DNAH6: variants seen among roughly 807,000 people sequenced by gnomAD.
DNAH6 encodes the protein axonemal beta dynein heavy chain 6.
In DNAH6, 340 loss-of-function variants were observed where a neutral mutation model predicts 491.4. The ratio of observed to expected loss-of-function variants is 0.69; its 90% CI spans 0.63 to 0.76. The LOEUF (loss-of-function observed/expected upper bound fraction) is 0.76. DNAH6 is among the 30% of genes least tolerant of loss of function. The pLI is 0.00. For synonymous variants in DNAH6, 1,603 were observed against 1,686.1 expected, an observed-to-expected ratio of 0.95 and a Z score of 1.21; for missense variants, 4,443 against 4,972.2, an observed-to-expected ratio of 0.89 and a Z score of 3.20.
Position 84,621,441 on chromosome 2 carries a change from A to G in DNAH6, c.3961A>G (p.Ile1321Val), listed in dbSNP as rs1687386757. 6.5e-7 allele frequency: 1 copy of G among 1,540,950 alleles called. No individual in the cohort carries two copies. The highest frequency in any genetic ancestry group is 8.8e-7 in the Non-Finnish European group (1 of 1,137,840). The change falls in exon 26 of 77, where the codon ATC (isoleucine) becomes GTC (valine). Residue 1321 changes from isoleucine to valine, a missense_variant. Ile to Val is a conservative substitution (Grantham distance 29). This residue lies in a region of DNAH6 where 2,977 missense variants were observed against 3,296.6 expected (regional missense o/e 0.90). Coordinates refer to ENST00000389394, the MANE Select transcript of DNAH6 (RefSeq NM_001370.2). The part of the protein sequence containing the change: ...WVVAGHPSQV[I>V]LTVSQIMWCR... ...TAAGAAACATGTTTTCTTGCAGGTT[A>G]TCCTGACTGTTTCTCAAATTATGTG...
intron 42 of DNAH6, among the ~76,000 whole-genome samples, chr2:84,684,852 C>T (rs1165377440): frequency 1.3e-5 from 2 of 152,132 alleles, no homozygotes; most frequent in African/African-American, 4.8e-5. Flanking sequence ...TCAGAATAAT[C>T]TTAGTAGAAG....
intron 18 of DNAH6, among the ~76,000 whole-genome samples, chr2:84,601,247 A>T (rs1333544677): frequency 6.6e-6 from 1 of 151,794 alleles, no homozygotes; most frequent in Non-Finnish European, 1.5e-5. Flanking sequence ...GGCAAAAAAA[A>T]ATGTAGTATT....
rs146840136 is a variant in DNAH6 at position 84,764,771 on chromosome 2, A to G, written c.10703+1826A>G. On this transcript the variant is annotated intron_variant, in intron 64 of 76. Transcript: ENST00000389394. ...TGCAAAGAACATATTATTCTTTTTT[A>G]TGACTGCATAGCATTCCATGGTGTA... Among the ~76,000 whole-genome samples the G allele has an allele frequency of 8.1e-4, 124 of 152,250 alleles. 1 individual carries two copies. In the Middle Eastern group the frequency reaches 0.02, roughly 25 times the overall value.
chr2:84,485,343 G>C, the DNAH6 span, among the ~76,000 whole-genome samples: 1 of 152,132 alleles, frequency 6.6e-6, no homozygotes, highest in African/African-American at 2.4e-5. Flanking sequence ...GATGCAGGTA[G>C]AACCCTGGGG....
Position 84,772,764 on chromosome 2 carries a change from G to GA in DNAH6, c.10704-8728dup, listed in dbSNP as rs142178809. 2.7e-3 allele frequency among the ~76,000 whole-genome samples: 407 copies of GA among 152,068 alleles called. 1 individual carries two copies. Among genetic ancestry groups the GA allele is most frequent in the African/African-American group, 9.3e-3 (386 of 41,544 alleles). Reference sequence around the variant, plus strand: ...ACGAAAAATAAATAAGGTAATAGAAGACTTCAACAACATTAAAACTAATAT... The same window carrying GA: ...ACGAAAAATAAATAAGGTAATAGAAGAACTTCAACAACATTAAAACTAATAT... On this transcript the variant is annotated intron_variant, in intron 64 of 76. Coordinates refer to ENST00000389394, the MANE Select transcript of DNAH6 (RefSeq NM_001370.2).
intron 68 of DNAH6, among the ~76,000 whole-genome samples, chr2:84,793,197 C>T (rs1001348110): frequency 3.4e-5 from 5 of 148,222 alleles, no homozygotes; most frequent in African/African-American, 1.0e-4. Flanking sequence ...ACCACACACA[C>T]ACACGCATGC....
intron 18 of DNAH6, among the ~76,000 whole-genome samples, chr2:84,603,724 TA>T (rs1167884773): frequency 1.3e-5 from 2 of 152,180 alleles, no homozygotes; most frequent in East Asian, 3.9e-4. Flanking sequence ...TTCCTCCAGT[TA>T]TAGGAAGAGA....
chr2:84,629,173 T>A (rs556444186), intron 29 of DNAH6, among the ~76,000 whole-genome samples: 22 of 152,290 alleles, frequency 1.4e-4, no homozygotes, highest in African/African-American at 5.3e-4. Flanking sequence ...CTGATAGGTA[T>A]TTGGGTTGTT....
chr2:84,740,503 TC>T (rs1313534836), intron 62 of DNAH6, among the ~76,000 whole-genome samples: 4 of 152,204 alleles, frequency 2.6e-5, no homozygotes, highest in African/African-American at 9.6e-5. Flanking sequence ...CCATGTCCAT[TC>T]CCAGGCTTTG....
intron 12 of DNAH6, among the ~76,000 whole-genome samples, chr2:84,576,872 T>C (rs1192636328): frequency 6.6e-6 from 1 of 152,208 alleles, no homozygotes; most frequent in Non-Finnish European, 1.5e-5. Context: ...GTTGTTTATA[T>C]TCTCAAAATG....
chr2:84,568,849 A>C (rs930376875), intron 11 of DNAH6, among the ~76,000 whole-genome samples: 1 of 152,196 alleles, frequency 6.6e-6, no homozygotes, highest in African/African-American at 2.4e-5. Context: ...CTGAGATATA[A>C]TTTCTCAACT....
At chr2:84,705,890 G>C in intron 52 of DNAH6, 143 bp downstream of exon 52, 1 of 1,041,024 alleles carries the variant, frequency 9.6e-7, no homozygotes, top group Middle Eastern at 2.7e-4. Flanking sequence ...TTTTAAACAA[G>C]AGCTGGCAAT....
At chr2:84,696,881 A>T (rs1259743557) in intron 46 of DNAH6, among the ~76,000 whole-genome samples, 1 of 152,162 alleles carries the variant, frequency 6.6e-6, no homozygotes, top group Non-Finnish European at 1.5e-5. Context: ...TGCAAAGTTT[A>T]GACTGACTTT....
chr2:84,656,740 C>G (rs202229187), intron 35 of DNAH6, among the ~76,000 whole-genome samples: 1 of 151,834 alleles, frequency 6.6e-6, no homozygotes, highest in African/African-American at 2.4e-5. Flanking sequence ...TATGGCTTGT[C>G]TTTTTATTTT....
the DNAH6 span, among the ~76,000 whole-genome samples, chr2:84,471,764 A>G: frequency 6.6e-6 from 1 of 152,206 alleles, no homozygotes; most frequent in East Asian, 1.9e-4. Flanking sequence ...TAGTAAATCT[A>G]CTGAAACAGA....
intron 2 of DNAH6, among the ~76,000 whole-genome samples, chr2:84,524,273 C>A (rs1237121428): frequency 6.6e-6 from 1 of 151,564 alleles, no homozygotes; most frequent in Non-Finnish European, 1.5e-5. Context: ...ATTGCAACCC[C>A]TGCTTTTTTC....
chr2:84,505,733 G>A, the DNAH6 span, among the ~76,000 whole-genome samples: 53 of 151,952 alleles, frequency 3.5e-4, no homozygotes, highest in South Asian at 2.1e-4. Flanking sequence ...AACAGGCCCC[G>A]GTGTGTTATG....
At chr2:84,496,613 A>T in the DNAH6 span, among the ~76,000 whole-genome samples, 64 of 152,324 alleles carry the variant, frequency 4.2e-4, no homozygotes, top group Middle Eastern at 3.4e-3. Flanking sequence ...AATTCATCAG[A>T]TCTGGCATGA....
At chr2:84,629,713 T>C (rs1489961149) in intron 29 of DNAH6, among the ~76,000 whole-genome samples, 2 of 152,220 alleles carry the variant, frequency 1.3e-5, no homozygotes, top group Non-Finnish European at 2.9e-5. Context: ...TGATCACCTC[T>C]AGTACCCAGA....
Sources: allele counts gnomAD v4.1 joint callset (sites outside exome capture counted in the v4.1 genomes callset), GRCh38; gene constraint gnomAD v4.1.1; regional missense constraint gnomAD v4.1.1; transcripts MANE v1.5; gene names NCBI Gene and HGNC (gene_info 2026-07-23, HGNC 2026-07-21).